SLC4A10: variants seen among roughly 807,000 people sequenced by gnomAD.
SLC4A10 encodes the protein sodium-driven chloride bicarbonate exchanger.
A neutral mutation model predicts 137.7 loss-of-function variants in SLC4A10; 42 were observed. The observed-to-expected ratio is 0.30, with a 90% confidence interval of 0.24 to 0.39. SLC4A10 has a LOEUF of 0.39. SLC4A10 is among the 10% of genes least tolerant of loss of function. SLC4A10 has a pLI of 1.00. For synonymous variants in SLC4A10, 474 were observed against 464.1 expected (o/e 1.02, Z -0.27); for missense variants, 925 against 1,355.0 (o/e 0.68, Z 4.98).
chr2:161,640,232 T>A (rs1305207826), intron 1 of SLC4A10, among the ~76,000 whole-genome samples: 1 of 152,156 alleles, frequency 6.6e-6, no homozygotes, highest in African/African-American at 2.4e-5. Flanking sequence ...TCATTCTCAA[T>A]GAATTCTCTC....
chr2:161,811,317 G>A (rs527599088), intron 3 of SLC4A10, among the ~76,000 whole-genome samples: 1 of 151,834 alleles, frequency 6.6e-6, no homozygotes, highest in Non-Finnish European at 1.5e-5. Flanking sequence ...AACAAACTCT[G>A]TTTCATTTAT....
intron 2 of SLC4A10, among the ~76,000 whole-genome samples, chr2:161,793,374 A>C (rs932016204): frequency 6.6e-6 from 1 of 152,098 alleles, no homozygotes; most frequent in Non-Finnish European, 1.5e-5. Flanking sequence ...TGTACAATAG[A>C]TCTCTTGAAC....
intron 2 of SLC4A10, among the ~76,000 whole-genome samples, chr2:161,783,488 G>A (rs12053256): frequency 0.066 from 10,101 of 151,950 alleles, 440 homozygotes; most frequent in East Asian, 0.15. Flanking sequence ...AATAGTGGTA[G>A]GTAGACCACT....
chr2:161,835,600 A>G (rs779778009), intron 3 of SLC4A10, among the ~76,000 whole-genome samples: 8 of 152,222 alleles, frequency 5.3e-5, no homozygotes, highest in Non-Finnish European at 1.0e-4. Flanking sequence ...TCATCAAATT[A>G]GAAAAATTGG....
chr2:161,632,927 T>C (rs2033824446), intron 1 of SLC4A10, among the ~76,000 whole-genome samples: 1 of 151,692 alleles, frequency 6.6e-6, no homozygotes, highest in Admixed American at 6.6e-5. Context: ...TAAATCATAA[T>C]GGGCTAGAAA....
intron 5 of SLC4A10, among the ~76,000 whole-genome samples, chr2:161,856,411 A>T (rs922307119): frequency 6.8e-6 from 1 of 147,852 alleles, no homozygotes; most frequent in Non-Finnish European, 1.5e-5. Context: ...CACTGCCCCA[A>T]ATAGGAAAGA....
intron 1 of SLC4A10, among the ~76,000 whole-genome samples, chr2:161,628,374 T>C (rs1405869670): frequency 6.6e-6 from 1 of 152,052 alleles, no homozygotes; most frequent in Non-Finnish European, 1.5e-5. Context: ...ACAGTAAAGT[T>C]CACTTTTAAA....
chr2:161,646,006 A>G (rs966935911), intron 1 of SLC4A10, among the ~76,000 whole-genome samples: 42 of 152,064 alleles, frequency 2.8e-4, no homozygotes, highest in African/African-American at 1.0e-3. Flanking sequence ...GAATGAAATC[A>G]TATTTTTAAA....
intron 1 of SLC4A10, among the ~76,000 whole-genome samples, chr2:161,669,389 G>A (rs574468688): frequency 1.3e-5 from 2 of 151,584 alleles, no homozygotes; most frequent in Non-Finnish European, 3.0e-5. Context: ...ACATACAGAC[G>A]TACATATAAC....
chr2:161,745,776 T>C (rs993998524), intron 1 of SLC4A10, among the ~76,000 whole-genome samples: 4 of 152,174 alleles, frequency 2.6e-5, no homozygotes, highest in African/African-American at 9.7e-5. Flanking sequence ...TGTAGCCATA[T>C]CTGCATTAGG....
chr2:161,657,040 C>T (rs921297348), intron 1 of SLC4A10, among the ~76,000 whole-genome samples: 1 of 151,976 alleles, frequency 6.6e-6, no homozygotes, highest in Non-Finnish European at 1.5e-5. Context: ...GGATTTCTTT[C>T]TACAGCAAAT....
intron 1 of SLC4A10, 52 bp downstream of exon 1, chr2:161,624,618 G>T: frequency 1.9e-6 from 3 of 1,550,720 alleles, no homozygotes; most frequent in Non-Finnish European, 2.6e-6. Context: ...TGCAAAACCT[G>T]TTAGGCAAGC....
At chr2:161,698,059 C>T (rs1425051720) in intron 1 of SLC4A10, among the ~76,000 whole-genome samples, 1 of 152,144 alleles carries the variant, frequency 6.6e-6, no homozygotes, top group African/African-American at 2.4e-5. Context: ...ATTTTATTCT[C>T]TTTGAAGCAA....
chr2:161,789,640 T>C (rs1364609407), intron 2 of SLC4A10, among the ~76,000 whole-genome samples: 2 of 152,220 alleles, frequency 1.3e-5, no homozygotes, highest in African/African-American at 4.8e-5. Context: ...ATGGTACCAC[T>C]ATTTTATATG....
intron 1 of SLC4A10, among the ~76,000 whole-genome samples, chr2:161,664,078 T>G (rs1231401041): frequency 1.3e-5 from 2 of 152,036 alleles, no homozygotes; most frequent in Non-Finnish European, 2.9e-5. Flanking sequence ...TTAGGGAATA[T>G]TTTTAATAGT....
intron 22 of SLC4A10, among the ~76,000 whole-genome samples, chr2:161,964,619 T>A (rs949884162): frequency 1.1e-4 from 16 of 152,276 alleles, no homozygotes; most frequent in African/African-American, 3.6e-4. Context: ...TTAGGATTTT[T>A]AAAATAACAT....
chr2:161,872,521 G>T, intron 7 of SLC4A10, 137 bp downstream of exon 7: 6 of 430,946 alleles, frequency 1.4e-5, no homozygotes, highest in Non-Finnish European at 1.2e-5. Flanking sequence ...TACAGAAAAT[G>T]TTAGCATTAA....
At chr2:161,767,217 CATATATATATATATACACAT>C (rs2050991369) in intron 1 of SLC4A10, among the ~76,000 whole-genome samples, 4 of 92,362 alleles carry the variant, frequency 4.3e-5, no homozygotes, top group South Asian at 3.5e-4. Context: ...TATATATACA[CATATATATATATATACACAT>C]ATATATATAT....
chr2:161,940,607 T>G (rs548881772), intron 15 of SLC4A10, among the ~76,000 whole-genome samples: 1 of 152,352 alleles, frequency 6.6e-6, no homozygotes, highest in African/African-American at 2.4e-5. Context: ...GCAAAGGAAC[T>G]GACTTTATTT....
Sources: gnomAD v4.1 joint callset for allele counts (sites outside exome capture counted in the v4.1 genomes callset) on GRCh38, gnomAD v4.1.1 for gene constraint, MANE v1.5 for transcripts, NCBI Gene and HGNC (gene_info 2026-07-23, HGNC 2026-07-21) for gene names.